EPB41L1: variants seen among roughly 807,000 people sequenced by gnomAD.
EPB41L1 encodes band 4.1-like protein 1.
A neutral mutation model predicts 97.8 loss-of-function variants in EPB41L1; 29 were observed. The observed-to-expected ratio is 0.30, with a 90% CI of 0.22 to 0.40. EPB41L1 has a LOEUF of 0.40. Ranked by LOEUF, EPB41L1 falls within the 10% of genes least tolerant of loss-of-function variation. EPB41L1 has a pLI of 1.00. For synonymous variants in EPB41L1, 383 were observed against 459.2 expected (o/e 0.83, Z 2.12); for missense variants, 812 against 1,162.3 (o/e 0.70, Z 4.38).
rs1237207133 is a variant in EPB41L1 at position 36,195,915 on chromosome 20, T to G, written c.1485+551T>G. On this transcript the variant is annotated intron_variant, in intron 13 of 21. Transcript: ENST00000338074. This position sits in a 1 kb window ranked among gnomAD's most constrained non-coding sequence, Gnocchi z 4.6. Reference sequence around the variant, plus strand: ...AGAGCACACCTGCATCTGCCCCAACTCCAGTCCTACACCTCCCCCAGGCAG... The same window carrying G: ...AGAGCACACCTGCATCTGCCCCAACGCCAGTCCTACACCTCCCCCAGGCAG... Among the ~76,000 whole-genome samples, 1 of 152,040 alleles carries G rather than the reference T, an allele frequency of 6.6e-6. No individual in the cohort carries two copies. Among genetic ancestry groups the G allele is most frequent in the East Asian group, 1.9e-4 (1 of 5,170 alleles).
intron 2 of EPB41L1, among the ~76,000 whole-genome samples, chr20:36,136,905 C>T (rs761534211): frequency 4.6e-5 from 7 of 151,992 alleles, no homozygotes; most frequent in African/African-American, 1.2e-4. Context: ...TACTTTTCCA[C>T]GGCAGAGTAT....
At chr20:36,132,121 A>C (rs989801947) in intron 2 of EPB41L1, among the ~76,000 whole-genome samples, 1 of 152,178 alleles carries the variant, frequency 6.6e-6, no homozygotes, top group African/African-American at 2.4e-5. Flanking sequence ...ACCCCTCCCT[A>C]GGTGACTGTG....
intron 11 of EPB41L1, 116 bp from the exon 12 acceptor site, chr20:36,194,096 G>C: frequency 7.4e-7 from 1 of 1,355,858 alleles, no homozygotes; most frequent in African/African-American, 1.4e-5. Context: ...CAATGGGTGA[G>C]GGGTGTGGAA....
intron 2 of EPB41L1, among the ~76,000 whole-genome samples, chr20:36,118,384 G>A (rs2058652659): frequency 6.6e-6 from 1 of 151,910 alleles, no homozygotes; most frequent in Admixed American, 6.6e-5. Flanking sequence ...AACACAGAGT[G>A]TACTGAGTGC....
intron 11 of EPB41L1, among the ~76,000 whole-genome samples, chr20:36,191,315 G>T (rs1353543068): frequency 6.6e-6 from 1 of 152,104 alleles, no homozygotes; most frequent in South Asian, 2.1e-4. Context: ...CATTCTTTTG[G>T]TTCTACTAGG....
chr20:36,160,598 A>AAAAG (rs1316484975), intron 1 of EPB41L1, among the ~76,000 whole-genome samples: 2 of 152,038 alleles, frequency 1.3e-5, no homozygotes, highest in Non-Finnish European at 2.9e-5. Context: ...ACAAAAAAAA[A>AAAAG]AAAGAAAGAA....
rs762248297 is a variant in EPB41L1 at position 36,221,932 on chromosome 20, C to T, written c.2508C>T (p.Val836=). The change falls in exon 20 of 22, where the codon GTC becomes GTT. Residue 836 remains valine (V), a synonymous_variant. Transcript: ENST00000338074. The stretch of plus-strand genomic sequence containing the variant: ...TCATCATTACTGGGGATGAAGATGT[C>T]GATCAAGACCAGGTATGGGGGTAGC... ...KRIIITGDED[V]DQDQALALAI... is the part of the protein sequence containing the mutation. The T allele has an allele frequency of 1.1e-5, 17 of 1,613,998 alleles. No homozygotes were observed. Among genetic ancestry groups the T allele is most frequent in the Middle Eastern group, 1.6e-4 (1 of 6,084 alleles).
chr20:36,126,696 C>G (rs1045806981), intron 2 of EPB41L1, among the ~76,000 whole-genome samples: 5 of 152,160 alleles, frequency 3.3e-5, no homozygotes, highest in African/African-American at 1.2e-4. Flanking sequence ...TATTCCACGG[C>G]TCTGGACCAA....
At chr20:36,218,433 C>T (rs1396043374) in intron 17 of EPB41L1, among the ~76,000 whole-genome samples, 1 of 152,200 alleles carries the variant, frequency 6.6e-6, no homozygotes, top group Non-Finnish European at 1.5e-5. Context: ...CTTTTCTACT[C>T]CATTAGCTTC....
upstream of EPB41L1, chr20:36,152,911 G>A (rs2060111545): frequency 2.2e-6 from 1 of 453,946 alleles, no homozygotes; most frequent in Admixed American, 2.4e-5. Context: ...CAGGACACTC[G>A]TCCTTCTGTC....
At chr20:36,120,269 A>G (rs1243304198) in intron 2 of EPB41L1, among the ~76,000 whole-genome samples, 2 of 152,246 alleles carry the variant, frequency 1.3e-5, no homozygotes, top group African/African-American at 2.4e-5. Flanking sequence ...AAACTGAGGC[A>G]CGGAAAGGTG....
chr20:36,209,334 C>T lies in EPB41L1; in HGVS notation c.1669-154C>T, dbSNP rs1248502891. 6.7e-6 allele frequency among the ~76,000 whole-genome samples: 1 copy of T among 149,212 alleles called. No homozygotes were observed. The highest frequency in any genetic ancestry group is 1.5e-5 in the Non-Finnish European group (1 of 67,396). Reference sequence around the variant, plus strand: ...TTATGCTTGTTATGATTTCAAGGAACCTTTCCTGGGGTGTTTTTCATTTCC... The same window carrying T: ...TTATGCTTGTTATGATTTCAAGGAATCTTTCCTGGGGTGTTTTTCATTTCC... On this transcript the variant is annotated intron_variant, in intron 14 of 21. Transcript: ENST00000338074. This position sits in a 1 kb window ranked among gnomAD's most constrained non-coding sequence, Gnocchi z 4.2.
intron 2 of EPB41L1, among the ~76,000 whole-genome samples, chr20:36,126,712 G>A (rs2058985708): frequency 6.6e-6 from 1 of 152,178 alleles, no homozygotes; most frequent in African/African-American, 2.4e-5. Flanking sequence ...ACCAAGACTA[G>A]GCAACTTTTC....
intron 2 of EPB41L1, among the ~76,000 whole-genome samples, chr20:36,141,825 G>C (rs2059649323): frequency 6.6e-6 from 1 of 151,818 alleles, no homozygotes; most frequent in African/African-American, 2.4e-5. Context: ...ATAGAAATTG[G>C]GGCCAGGCAC....
At chr20:36,101,570 A>C (rs948259327) in intron 1 of EPB41L1, among the ~76,000 whole-genome samples, 1 of 152,176 alleles carries the variant, frequency 6.6e-6, no homozygotes, top group African/African-American at 2.4e-5. Context: ...AGGGAGCAGA[A>C]GTTCAATTTG....
At chr20:36,155,054 C>T in intron 1 of EPB41L1, 158 bp downstream of exon 1, 1 of 689,182 alleles carries the variant, frequency 1.5e-6, no homozygotes, top group Non-Finnish European at 2.2e-6. Flanking sequence ...GCTGTTCCTC[C>T]CTACCTACCG....
intron 1 of EPB41L1, among the ~76,000 whole-genome samples, chr20:36,166,297 T>C (rs1244817797): frequency 2.0e-5 from 3 of 152,286 alleles, no homozygotes; most frequent in African/African-American, 7.2e-5. Flanking sequence ...TTAACTTTTC[T>C]GCTTCAGTTT....
chr20:36,229,541 T>A lies in EPB41L1; in HGVS notation c.*201T>A, dbSNP rs2064393281. 2.1e-6 allele frequency: 1 copy of A among 475,108 alleles called. No homozygotes were observed. Among genetic ancestry groups the A allele is most frequent in the Admixed American group, 3.2e-5 (1 of 31,172 alleles). 29.4% of individuals were successfully genotyped at this position (475,108 alleles called of 1,614,324 possible). The stretch of plus-strand genomic sequence containing the variant: ...ATATATACAGGAAACACCGCATCCT[T>A]GCACTGCTGCTGGGGCTGGCAGAGC... On this transcript the variant is annotated 3_prime_UTR_variant, in exon 22 of 22. Transcript: ENST00000338074.
chr20:36,203,256 C>T (rs1432059334), intron 14 of EPB41L1, among the ~76,000 whole-genome samples: 2 of 152,208 alleles, frequency 1.3e-5, no homozygotes, highest in Non-Finnish European at 2.9e-5. Flanking sequence ...CTTTGTCCCC[C>T]GCTGCTCAGC....
Sources: gnomAD v4.1 joint callset for allele counts (sites outside exome capture counted in the v4.1 genomes callset) on GRCh38, gnomAD v4.1.1 for gene constraint, Gnocchi (gnomAD v3.1) non-coding constraint, MANE v1.5 for transcripts, NCBI Gene and HGNC (gene_info 2026-07-23, HGNC 2026-07-21) for gene names.